CLOCK: variants seen among roughly 807,000 people sequenced by gnomAD.
CLOCK encodes the protein circadian locomoter output cycles protein kaput.
CLOCK carries 43 observed loss-of-function variants against 118.4 expected under a neutral mutation model. The observed-to-expected ratio is 0.36, with a 90% CI of 0.28 to 0.47. The LOEUF is 0.47. Ranked by LOEUF, CLOCK falls within the 20% of genes least tolerant of loss-of-function variation. The probability of loss-of-function intolerance (pLI) is 1.00; values close to 1 mark genes in which losing one functional copy is unlikely to be tolerated. For synonymous variants in CLOCK, 326 were observed against 339.2 expected, an observed-to-expected ratio of 0.96 and a Z score of 0.43; for missense variants, 846 against 999.9, an observed-to-expected ratio of 0.85 and a Z score of 2.08.
At chr4:55,443,044 A>G (rs1723502256) in intron 20 of CLOCK, among the ~76,000 whole-genome samples, 1 of 152,124 alleles carries the variant, frequency 6.6e-6, no homozygotes, top group African/African-American at 2.4e-5. Flanking sequence ...CCCTCCCCCA[A>G]CAGTCTATTC....
Position 55,476,286 on chromosome 4 carries a change from T to C in CLOCK, c.257-232A>G, listed in dbSNP as rs141070023. 4.2e-3 allele frequency among the ~76,000 whole-genome samples: 638 copies of C among 152,304 alleles called. 6 individuals are homozygous for C. Among genetic ancestry groups the C allele is most frequent in the African/African-American group, 0.015 (612 of 41,576 alleles). On this transcript the variant is annotated intron_variant, in intron 6 of 22. Transcript: ENST00000513440. ...TGGTAATACCAGTCTCTTCGGTTTT[T>C]CTCTTGGTACTCTGATAGTTATGTT... is the stretch of plus-strand genomic sequence containing the variant.
chr4:55,521,142 G>C (rs1729821160), intron 1 of CLOCK, among the ~76,000 whole-genome samples: 2 of 152,068 alleles, frequency 1.3e-5, no homozygotes, highest in Non-Finnish European at 1.5e-5. Context: ...AAATGTACTA[G>C]AAAAAAATTC....
chr4:55,479,778 A>G, intron 4 of CLOCK, 79 bp from the exon 5 acceptor site: 2 of 1,079,006 alleles, frequency 1.9e-6, no homozygotes, highest in Non-Finnish European at 2.9e-6. Flanking sequence ...AAATCAACTC[A>G]GTTATGCCCT....
chr4:55,503,978 T>TAAAAGAAAAAA (rs1553900254), intron 2 of CLOCK, among the ~76,000 whole-genome samples: 1,290 of 70,982 alleles, frequency 0.018, 127 homozygotes, highest in African/African-American at 0.031. Context: ...CAAAAAGAGG[T>TAAAAGAAAAAA]AAAAAAAAAA....
chr4:55,534,119 T>C (rs1042550453), intron 1 of CLOCK, among the ~76,000 whole-genome samples: 3 of 152,278 alleles, frequency 2.0e-5, no homozygotes, highest in Middle Eastern at 3.4e-3. Flanking sequence ...TACTACCCTA[T>C]GATTAACAGC....
chr4:55,522,072 A>G (rs1245981182), intron 1 of CLOCK, among the ~76,000 whole-genome samples: 1 of 152,214 alleles, frequency 6.6e-6, no homozygotes, highest in Non-Finnish European at 1.5e-5. Context: ...AGGTACCCAA[A>G]TAGGGCAAAA....
intron 1 of CLOCK, chr4:55,540,424 G>A (rs1351914166): frequency 6.6e-6 from 1 of 151,894 alleles, no homozygotes; most frequent in Non-Finnish European, 1.5e-5. Context: ...AATGGAGAAA[G>A]GCAACTCTTT....
rs1560475916 is a variant in CLOCK at position 55,522,506 on chromosome 4, A to ATTT, written c.-289-12442_-289-12441insAAA. Among the ~76,000 whole-genome samples, 412 of 149,846 alleles carry ATTT rather than the reference A, an allele frequency of 2.7e-3. 3 individuals are homozygous for ATTT. The highest frequency in any genetic ancestry group is 0.01 in the African/African-American group (407 of 40,484). ...ACCAGTAATAAACTGTTTTTTTTTA[A>ATTT]AAAAAAAAGAAGCATAAAGAACGAA... On this transcript the variant is annotated intron_variant, in intron 1 of 22. Transcript: ENST00000513440.
rs1044814044 is a variant in CLOCK at position 55,468,122 on chromosome 4, A to AC, written c.438+2594_438+2595insG. 1.9e-4 allele frequency among the ~76,000 whole-genome samples: 29 copies of AC among 152,130 alleles called. No homozygotes were observed. The South Asian group carries it at 4.0e-3, about 21-fold the overall frequency. The stretch of plus-strand genomic sequence containing the variant: ...CTTTACCCTGTTATAGAGATAAGCT[A>AC]TTTTTTTAATTTTTTTGTAGAGACA... On this transcript the variant is annotated intron_variant, in intron 8 of 22. Transcript: ENST00000513440.
At chr4:55,545,900 C>A (rs950301360) in intron 1 of CLOCK, 7 of 152,246 alleles carry the variant, frequency 4.6e-5, no homozygotes, top group African/African-American at 1.7e-4. Context: ...CGCCGCCAAC[C>A]CTCGAACCCG....
chr4:55,480,959 G>A (rs1339513448), intron 4 of CLOCK, among the ~76,000 whole-genome samples: 2 of 151,984 alleles, frequency 1.3e-5, no homozygotes, highest in Admixed American at 6.6e-5. Context: ...CAGTCTGAGC[G>A]GTTAGTGGGG....
chr4:55,453,467 CA>C (rs1475671600), intron 14 of CLOCK: 1 of 497,804 alleles, frequency 2.0e-6, no homozygotes, highest in Admixed American at 3.6e-5. Flanking sequence ...CTGTAAAGCA[CA>C]AAATTTATAT....
intron 2 of CLOCK, among the ~76,000 whole-genome samples, chr4:55,498,895 C>T (rs1413880991): frequency 1.3e-5 from 2 of 152,140 alleles, no homozygotes; most frequent in African/African-American, 4.8e-5. Flanking sequence ...ACTCTTGATA[C>T]AGAAGACACG....
chr4:55,515,458 T>C (rs1423822391), intron 1 of CLOCK, among the ~76,000 whole-genome samples: 2 of 152,208 alleles, frequency 1.3e-5, no homozygotes, highest in African/African-American at 4.8e-5. Context: ...CACTGCAGCC[T>C]CCGCCTCCCG....
At chr4:55,514,397 CATACT>C (rs1348892119) in intron 1 of CLOCK, among the ~76,000 whole-genome samples, 1 of 152,096 alleles carries the variant, frequency 6.6e-6, no homozygotes, top group Non-Finnish European at 1.5e-5. Flanking sequence ...GCACAATTCA[CATACT>C]ATAACACTCA....
intron 1 of CLOCK, among the ~76,000 whole-genome samples, chr4:55,514,524 TAG>T (rs1249678191): frequency 6.9e-6 from 1 of 145,388 alleles, no homozygotes; most frequent in Non-Finnish European, 1.5e-5. Context: ...TGCTGAGCTG[TAG>T]ATTTTTTTAA....
chr4:55,441,926 A>G (rs1723405087), intron 21 of CLOCK, among the ~76,000 whole-genome samples: 1 of 152,202 alleles, frequency 6.6e-6, no homozygotes, highest in African/African-American at 2.4e-5. Context: ...TCATCACCTT[A>G]ACTAGCTATA....
At chr4:55,502,852 A>G (rs554268779) in intron 2 of CLOCK, among the ~76,000 whole-genome samples, 1 of 152,368 alleles carries the variant, frequency 6.6e-6, no homozygotes, top group African/African-American at 2.4e-5. Flanking sequence ...CATAACAGTC[A>G]TATCCCCAAA....
At position 55,476,190 on chromosome 4, in the gene CLOCK, A is replaced by G; in HGVS notation, c.257-136T>C. The G allele has an allele frequency of 1.0e-5, 7 of 667,236 alleles. No individual in the cohort carries two copies. The South Asian group carries it at 1.1e-4, about 11-fold the overall frequency. 41.3% of individuals were successfully genotyped at this position (667,236 alleles called of 1,614,324 possible). ...ATTAACATTTATTGGGTAGATATCA[A>G]GAGGTCCAGGTTTTGGTATGATGAA... On this transcript the variant is annotated intron_variant, in intron 6 of 22. Transcript: ENST00000513440.
Sources: allele counts gnomAD v4.1 joint callset (sites outside exome capture counted in the v4.1 genomes callset), GRCh38; gene constraint gnomAD v4.1.1; transcripts MANE v1.5; gene names NCBI Gene and HGNC (gene_info 2026-07-23, HGNC 2026-07-21).